Variants in CNTN6 observed in about 807,000 individuals in gnomAD.
CNTN6 encodes the protein contactin 6.
CNTN6 carries 137 observed loss-of-function variants against 122.8 expected under a neutral mutation model. The ratio of observed to expected loss-of-function variants is 1.12; its 90% confidence interval spans 0.97 to 1.29. The LOEUF (loss-of-function observed/expected upper bound fraction) is 1.29, where lower values mean the gene tolerates loss of function less well. CNTN6 is among the 50% of genes most tolerant of loss of function. The pLI is 0.00. For synonymous variants in CNTN6, 570 were observed against 426.0 expected (o/e 1.34, Z -4.16); for missense variants, 1,634 against 1,223.4 (o/e 1.34, Z -5.01).
intron 4 of CNTN6, among the ~76,000 whole-genome samples, chr3:1,265,049 T>TTTTTTTTTTTCC (rs1252689946): frequency 6.7e-6 from 1 of 149,958 alleles, no homozygotes; most frequent in African/African-American, 2.5e-5. Flanking sequence ...ATTTCCTTTT[T>TTTTTTTTTTTCC]TTTTTTTTTT....
chr3:1,388,301 C>G lies in CNTN6; in HGVS notation c.2704+2504C>G, dbSNP rs565824966. On this transcript the variant is annotated intron_variant, in intron 20 of 22. Transcript: ENST00000446702. ...TGGGAGGCACCCCCCAGCAGGGGCA[C>G]ACTGACACCTCACACGGCAGGGTAT... is the stretch of plus-strand genomic sequence containing the variant. 9.6e-3 allele frequency among the ~76,000 whole-genome samples: 1,414 copies of G among 146,968 alleles called. 26 individuals carry two copies. Among genetic ancestry groups the G allele is most frequent in the Non-Finnish European group, 0.012 (803 of 66,182 alleles).
chr3:1,312,245 G>C, intron 7 of CNTN6, among the ~76,000 whole-genome samples: 1 of 151,668 alleles, frequency 6.6e-6, no homozygotes, highest in East Asian at 1.9e-4. Flanking sequence ...TTTTCAAGGA[G>C]CATAGAGTGG....
At chr3:1,304,200 G>A (rs1259070548) in intron 7 of CNTN6, among the ~76,000 whole-genome samples, 1 of 152,080 alleles carries the variant, frequency 6.6e-6, no homozygotes, top group Non-Finnish European at 1.5e-5. Flanking sequence ...CAGAAAATAA[G>A]GGCTACCAAA....
chr3:1,214,232 T>C (rs926475936), intron 2 of CNTN6, among the ~76,000 whole-genome samples: 1 of 151,784 alleles, frequency 6.6e-6, no homozygotes, highest in Non-Finnish European at 1.5e-5. Flanking sequence ...TCATCTGTTA[T>C]TTTTCATATT....
chr3:1,281,299 T>C (rs943235499), intron 5 of CNTN6, among the ~76,000 whole-genome samples: 2 of 152,054 alleles, frequency 1.3e-5, no homozygotes, highest in East Asian at 3.9e-4. Context: ...CAGAGAAACG[T>C]CCTAGAAATA....
At chr3:1,287,153 A>G (rs1236128280) in intron 5 of CNTN6, among the ~76,000 whole-genome samples, 1 of 152,174 alleles carries the variant, frequency 6.6e-6, no homozygotes, top group Admixed American at 6.5e-5. Context: ...TCAATATTAG[A>G]TCAACAAGAC....
chr3:1,311,456 G>A (rs1383555651), intron 7 of CNTN6, among the ~76,000 whole-genome samples: 280 of 74,062 alleles, frequency 3.8e-3, no homozygotes, highest in African/African-American at 7.0e-3. Context: ...GTCTTTATAT[G>A]TACATATATG....
intron 12 of CNTN6, among the ~76,000 whole-genome samples, chr3:1,362,371 A>C (rs920608645): frequency 2.0e-5 from 3 of 152,116 alleles, no homozygotes; most frequent in Non-Finnish European, 2.9e-5. Flanking sequence ...AGAAATATTG[A>C]AGTTCTCAGA....
chr3:1,132,997 C>G (rs1279096221), intron 1 of CNTN6, among the ~76,000 whole-genome samples: 1 of 152,074 alleles, frequency 6.6e-6, no homozygotes, highest in African/African-American at 2.4e-5. Context: ...TAAGTAGCAA[C>G]CAATCACCCA....
intron 4 of CNTN6, among the ~76,000 whole-genome samples, chr3:1,262,434 G>A (rs1394999389): frequency 6.6e-6 from 1 of 152,130 alleles, no homozygotes; most frequent in Non-Finnish European, 1.5e-5. Context: ...ATAATTGGCA[G>A]GTGTGGCAAG....
In CNTN6 at chr3:1,247,453, T is replaced by TAA. The variant is rs3836241; in HGVS notation, c.358+19469_358+19470dup. Among the ~76,000 whole-genome samples, 1,067 of 149,328 alleles carry TAA rather than the reference T, an allele frequency of 7.1e-3. 9 individuals carry two copies. Among genetic ancestry groups the TAA allele is most frequent in the African/African-American group, 0.023 (957 of 40,760 alleles). On this transcript the variant is annotated intron_variant, in intron 4 of 22. Transcript: ENST00000446702. ...AGCTATTAAAATAGACTATATGGTT[T>TAA]AAAAAAAAAAGAGGCTTGAATTGTA...
chr3:1,223,990 A>G (rs2094243934), intron 3 of CNTN6, among the ~76,000 whole-genome samples: 1 of 152,210 alleles, frequency 6.6e-6, no homozygotes, highest in South Asian at 2.1e-4. Context: ...TTGTTCAAGT[A>G]TATGCAGCAA....
chr3:1,275,397 C>A (rs1405436622), intron 4 of CNTN6, among the ~76,000 whole-genome samples: 4 of 152,282 alleles, frequency 2.6e-5, no homozygotes, highest in African/African-American at 4.8e-5. Context: ...TCACATATGA[C>A]CAACATTGTT....
chr3:1,385,176 G>A (rs1263027008), intron 19 of CNTN6, among the ~76,000 whole-genome samples: 1 of 151,840 alleles, frequency 6.6e-6, no homozygotes, highest in African/African-American at 2.4e-5. Context: ...TAATGCAAAG[G>A]TAGGGTTCAG....
intron 2 of CNTN6, among the ~76,000 whole-genome samples, chr3:1,212,980 A>G (rs894914422): frequency 6.6e-6 from 1 of 152,232 alleles, no homozygotes; most frequent in Non-Finnish European, 1.5e-5. Context: ...TAATTCAACA[A>G]GACCTAACTT....
At chr3:1,335,791 G>A (rs1702963133) in intron 11 of CNTN6, among the ~76,000 whole-genome samples, 1 of 152,134 alleles carries the variant, frequency 6.6e-6, no homozygotes, top group Admixed American at 6.6e-5. Context: ...CACTTTGGGA[G>A]GCCAAGGTAG....
At chr3:1,146,270 A>G (rs943783290) in intron 1 of CNTN6, among the ~76,000 whole-genome samples, 12 of 152,002 alleles carry the variant, frequency 7.9e-5, no homozygotes, top group African/African-American at 2.9e-4. Context: ...CCTTTCTCCA[A>G]CCTTGTCTCA....
intron 2 of CNTN6, among the ~76,000 whole-genome samples, chr3:1,211,112 T>G (rs1260837252): frequency 1.3e-5 from 2 of 152,206 alleles, no homozygotes; most frequent in Non-Finnish European, 2.9e-5. Context: ...GCAACATTTG[T>G]GCAAATTAGA....
intron 2 of CNTN6, among the ~76,000 whole-genome samples, chr3:1,153,641 C>T (rs2092897851): frequency 1.3e-5 from 2 of 152,176 alleles, no homozygotes; most frequent in South Asian, 2.1e-4. Flanking sequence ...AGTCAGGCAC[C>T]TAGGAAAAAG....
Sources: gnomAD v4.1 joint callset for allele counts (sites outside exome capture counted in the v4.1 genomes callset) on GRCh38, gnomAD v4.1.1 for gene constraint, MANE v1.5 for transcripts, NCBI Gene and HGNC (gene_info 2026-07-23, HGNC 2026-07-21) for gene names.